MEIS1: variants seen among roughly 807,000 people sequenced by gnomAD.
MEIS1 encodes homeobox protein Meis1.
In MEIS1, 5 loss-of-function variants were observed where a neutral mutation model predicts 50.8. The ratio of observed to expected loss-of-function variants is 0.10; its 90% CI spans 0.05 to 0.21. The LOEUF is 0.21. MEIS1 is among the 10% of genes least tolerant of loss of function. The probability of loss-of-function intolerance (pLI) is 1.00; values close to 1 mark genes in which losing one functional copy is unlikely to be tolerated. For missense variants in MEIS1, 318 were observed against 517.3 expected, an observed-to-expected ratio of 0.61 and a Z score of 3.74; for synonymous variants, 176 against 179.3, an observed-to-expected ratio of 0.98 and a Z score of 0.15.
chr2:66,548,165 T>C (rs1041136703), intron 9 of MEIS1, 146 bp downstream of exon 9: 4 of 714,492 alleles, frequency 5.6e-6, no homozygotes, highest in Admixed American at 5.5e-5. Flanking sequence ...AACTGTTGAC[T>C]GATATGTGAG....
At position 66,569,052 on chromosome 2, in the gene MEIS1, C is replaced by T. The variant is rs755959089; in HGVS notation, c.1117C>T (p.Pro373Ser). Residue 373 changes from proline (P) to serine (S), a missense_variant and splice_region_variant, in exon 12 of 13, where the codon CCT becomes TCT. Coordinates refer to ENST00000272369, the MANE Select transcript of MEIS1 (RefSeq NM_002398.3). The stretch of plus-strand genomic sequence containing the variant: ...TTGGATTTTTATCTCCCTTCTAGGA[C>T]CTATGAGTGGAATGGGCATGAATAT... Reference protein sequence around the residue: ...QQHMGIRAPGPMSGMGMNMGM... With the variant: ...QQHMGIRAPGSMSGMGMNMGM... The T allele has an allele frequency of 6.8e-6, 11 of 1,613,368 alleles. No homozygotes were observed. Among genetic ancestry groups the T allele is most frequent in the East Asian group, 4.5e-5 (2 of 44,868 alleles).
intron 9 of MEIS1, among the ~76,000 whole-genome samples, chr2:66,551,471 A>G (rs949284505): frequency 3.3e-5 from 5 of 152,152 alleles, no homozygotes; most frequent in Non-Finnish European, 7.3e-5. Context: ...AAATGGAGAG[A>G]AAGAATCTTA....
In MEIS1 at chr2:66,442,987, GAGA is replaced by G. The variant is rs774494753; in HGVS notation, c.572_574del (p.Glu191del). The G allele has an allele frequency of 1.1e-5, 17 of 1,605,978 alleles. No homozygotes were observed. The African/African-American group carries it at 1.1e-4, about 10-fold the overall frequency. ...CCTATCGATTTGGTGATAGACGATA[GAGA>G]AGGAGGATCAAAATCAGACAGTGAA... is the stretch of plus-strand genomic sequence containing the variant. On this transcript the variant is annotated inframe_deletion, in exon 6 of 13. Coordinates refer to ENST00000272369, the MANE Select transcript of MEIS1 (RefSeq NM_002398.3).
intron 6 of MEIS1, among the ~76,000 whole-genome samples, chr2:66,455,953 T>C (rs1345123415): frequency 1.3e-5 from 2 of 152,174 alleles, no homozygotes; most frequent in Non-Finnish European, 2.9e-5. Flanking sequence ...ACCCAGGCTT[T>C]AGTGATTTCT....
intron 8 of MEIS1, among the ~76,000 whole-genome samples, chr2:66,543,243 C>T (rs969275243): frequency 6.6e-6 from 1 of 152,100 alleles, no homozygotes; most frequent in African/African-American, 2.4e-5. Flanking sequence ...CAGGATCCTA[C>T]CCTAAGGATC....
chr2:66,477,777 T>C (rs1385682383), intron 7 of MEIS1, among the ~76,000 whole-genome samples: 1 of 152,210 alleles, frequency 6.6e-6, no homozygotes, highest in East Asian at 1.9e-4. Context: ...CATGTTTATG[T>C]GCTCCCAGTG....
At chr2:66,487,832 A>C (rs1396839262) in intron 7 of MEIS1, among the ~76,000 whole-genome samples, 1 of 152,266 alleles carries the variant, frequency 6.6e-6, no homozygotes, top group Admixed American at 6.5e-5. Flanking sequence ...GTTTGCTTAC[A>C]AACCTAGCTA....
rs542379774 is a variant in MEIS1 at position 66,488,317 on chromosome 2, G to A, written c.743-23832G>A. ...TATGAGGTCACCTTACATGGTTTGTGAAGGGTTTTCATGTTTTTCTCCTTG... is the reference window on the plus strand; with the variant it reads ...TATGAGGTCACCTTACATGGTTTGTAAAGGGTTTTCATGTTTTTCTCCTTG... On this transcript the variant is annotated intron_variant, in intron 7 of 12. Coordinates refer to ENST00000272369, the MANE Select transcript of MEIS1 (RefSeq NM_002398.3). Among the ~76,000 whole-genome samples the A allele has an allele frequency of 2.6e-5, 4 of 152,292 alleles. No homozygotes were observed. In the South Asian group the frequency reaches 8.3e-4, roughly 32 times the overall value.
intron 6 of MEIS1, among the ~76,000 whole-genome samples, chr2:66,456,893 A>T (rs532637863): frequency 2.0e-5 from 3 of 152,342 alleles, no homozygotes; most frequent in South Asian, 4.1e-4. Context: ...ACTTTTCAGC[A>T]GTGCACAGTG....
At chr2:66,558,097 T>C (rs1411628550) in intron 9 of MEIS1, among the ~76,000 whole-genome samples, 6 of 151,242 alleles carry the variant, frequency 4.0e-5, no homozygotes, top group Non-Finnish European at 7.4e-5. Flanking sequence ...CTGATGAACA[T>C]AGAAAAACCC....
At chr2:66,441,626 G>C (rs759617447) in intron 5 of MEIS1, 162 bp downstream of exon 5, 1 of 596,368 alleles carries the variant, frequency 1.7e-6, no homozygotes, top group Non-Finnish European at 2.8e-6. Context: ...ATTTCTCTTC[G>C]CAGTTTAATT....
chr2:66,438,328 G>C (rs1349423551), intron 2 of MEIS1, among the ~76,000 whole-genome samples: 1 of 152,236 alleles, frequency 6.6e-6, no homozygotes, highest in African/African-American at 2.4e-5. Flanking sequence ...GCGCCTTTGT[G>C]TTGTAACGAA....
intron 12 of MEIS1, 87 bp downstream of exon 12, chr2:66,569,232 T>C: frequency 9.5e-7 from 1 of 1,056,598 alleles, no homozygotes. Flanking sequence ...GCCCATAGCT[T>C]CATGCTTGTT....
At chr2:66,471,220 T>G (rs1039543195) in intron 7 of MEIS1, among the ~76,000 whole-genome samples, 3 of 152,114 alleles carry the variant, frequency 2.0e-5, no homozygotes, top group Non-Finnish European at 4.4e-5. Flanking sequence ...AGACAGGGCA[T>G]TAGTCAACAG....
chr2:66,561,204 T>C (rs977371674), intron 9 of MEIS1, among the ~76,000 whole-genome samples: 1 of 152,202 alleles, frequency 6.6e-6, no homozygotes, highest in Admixed American at 6.5e-5. Context: ...CCCTGAGGGT[T>C]TGTTTATAAA....
chr2:66,545,028 A>G (rs749913846), intron 8 of MEIS1, among the ~76,000 whole-genome samples: 2 of 152,188 alleles, frequency 1.3e-5, no homozygotes, highest in Non-Finnish European at 2.9e-5. Flanking sequence ...ATAAACAGGC[A>G]TGCAAAAGTA....
intron 8 of MEIS1, among the ~76,000 whole-genome samples, chr2:66,538,363 TACTTAAAGCTCTGAGA>T (rs1230791808): frequency 6.6e-6 from 1 of 152,320 alleles, no homozygotes; most frequent in Non-Finnish European, 1.5e-5. Flanking sequence ...AATAAGTAAA[TACTTAAAGCTCTGAGA>T]ACGCTGCCCA....
At chr2:66,541,298 A>G (rs925337037) in intron 8 of MEIS1, among the ~76,000 whole-genome samples, 3 of 152,048 alleles carry the variant, frequency 2.0e-5, no homozygotes, top group African/African-American at 4.8e-5. Flanking sequence ...CGGCCTCCCA[A>G]AGTACTGGGA....
intron 9 of MEIS1, among the ~76,000 whole-genome samples, chr2:66,562,942 G>A (rs923919358): frequency 6.6e-6 from 1 of 152,020 alleles, no homozygotes. Context: ...AAAAGCAAAC[G>A]AGACATTTTC....
Sources: gnomAD v4.1 joint callset for allele counts (sites outside exome capture counted in the v4.1 genomes callset) on GRCh38, gnomAD v4.1.1 for gene constraint, MANE v1.5 for transcripts, NCBI Gene and HGNC (gene_info 2026-07-23, HGNC 2026-07-21) for gene names.